The following GRK1 variants were observed in gnomAD, a reference collection of about 807,000 sequenced individuals.
The protein encoded by GRK1 is rhodopsin kinase GRK1.
Under a neutral mutation model 41.7 loss-of-function variants are expected in GRK1, and 28 were observed. That is an observed-to-expected ratio of 0.67 (90% CI 0.50 to 0.92). The LOEUF is 0.92. Ranked by LOEUF, GRK1 falls within the 40% of genes least tolerant of loss-of-function variation. The pLI is 0.00. For missense variants in GRK1, 703 were observed against 671.2 expected (o/e 1.05, Z -0.52); for synonymous variants, 327 against 286.7 (o/e 1.14, Z -1.42).
At chr13:113,669,999 A>G (rs1380319650) in intron 2 of GRK1, 185 bp downstream of exon 2, 2 of 294,742 alleles carry the variant, frequency 6.8e-6, no homozygotes, top group Non-Finnish European at 1.0e-5. Context: ...CTGGACCCAC[A>G]TCGGAGCAGG....
At chr13:113,728,759 G>A (rs1363580636) in intron 4 of GRK1, among the ~76,000 whole-genome samples, 2 of 152,216 alleles carry the variant, frequency 1.3e-5, no homozygotes, top group Non-Finnish European at 2.9e-5. Flanking sequence ...GGAGAGGGAA[G>A]CCTCAGTGTG....
At chr13:113,724,481 C>T (rs1045924079) in intron 4 of GRK1, among the ~76,000 whole-genome samples, 1 of 152,138 alleles carries the variant, frequency 6.6e-6, no homozygotes, top group African/African-American at 2.4e-5. Context: ...GGTGTTTAGG[C>T]ACTGGGCGTA....
the GRK1 span, chr13:113,652,890 T>C: frequency 6.2e-7 from 1 of 1,614,190 alleles, no homozygotes; most frequent in Non-Finnish European, 8.5e-7. Flanking sequence ...ATTTTAATAA[T>C]AAAACATGGC....
rs1224760152 is a variant in GRK1, at chr13:113,735,473, C to T, written c.*110C>T. ...TGCTAGCAAGGGGACACGTGGTTCCCTCCACCCAGGTCCCCATCACGCCAT... is the reference window on the plus strand; with the variant it reads ...TGCTAGCAAGGGGACACGTGGTTCCTTCCACCCAGGTCCCCATCACGCCAT... On this transcript the variant is annotated 3_prime_UTR_variant, in exon 7 of 7. Coordinates refer to ENST00000335678, the MANE Select transcript of GRK1 (RefSeq NM_002929.3). 5 of 1,244,072 alleles carry T rather than the reference C, an allele frequency of 4.0e-6. No homozygotes were observed. The highest frequency in any genetic ancestry group is 1.7e-5 in the South Asian group (1 of 58,244). 77.1% of individuals were successfully genotyped at this position (1,244,072 alleles called of 1,614,324 possible). A position where few individuals can be genotyped will look rare whatever the true frequency, so the allele number is the denominator to read the frequency against.
the GRK1 span, among the ~76,000 whole-genome samples, chr13:113,655,109 A>G: frequency 6.6e-6 from 1 of 152,024 alleles, no homozygotes; most frequent in Non-Finnish European, 1.5e-5. Context: ...AGTCACTACA[A>G]TCCCCTCCCA....
the GRK1 span, chr13:113,658,245 G>T: frequency 8.5e-7 from 1 of 1,175,518 alleles, no homozygotes; most frequent in Non-Finnish European, 1.2e-6. Flanking sequence ...TCTGCCAGAG[G>T]TCAAAGGCAT....
chr13:113,656,917 C>T, the GRK1 span, among the ~76,000 whole-genome samples: 100 of 152,260 alleles, frequency 6.6e-4, no homozygotes, highest in African/African-American at 2.4e-3. Flanking sequence ...CAGCTCCTTC[C>T]CCATCCTGGC....
At chr13:113,650,842 G>T in the GRK1 span, among the ~76,000 whole-genome samples, 1 of 152,142 alleles carries the variant, frequency 6.6e-6, no homozygotes, top group African/African-American at 2.4e-5. The surrounding 1 kb of genome is among the most constrained non-coding windows in gnomAD (Gnocchi z 5.0). Context: ...GGGCTGGTTT[G>T]CCAAAACTGG....
chr13:113,657,417 C>T, the GRK1 span, among the ~76,000 whole-genome samples: 3 of 152,224 alleles, frequency 2.0e-5, no homozygotes, highest in Admixed American at 1.3e-4. Context: ...GACGCAGACG[C>T]TTCCACCACC....
chr13:113,649,341 G>T, the GRK1 span: 2 of 1,571,492 alleles, frequency 1.3e-6, no homozygotes, highest in Non-Finnish European at 1.7e-6. The surrounding 1 kb of genome is among the most constrained non-coding windows in gnomAD (Gnocchi z 4.7). Flanking sequence ...GAGCGACCCC[G>T]CAGGCGTGCC....
At chr13:113,657,602 G>A in the GRK1 span, among the ~76,000 whole-genome samples, 9 of 152,242 alleles carry the variant, frequency 5.9e-5, no homozygotes, top group Non-Finnish European at 1.3e-4. Flanking sequence ...ACGCCAGCGG[G>A]TGTCCCGGAA....
intron 6 of GRK1, 143 bp downstream of exon 6, chr13:113,733,228 C>T (rs2049950601): frequency 1.4e-6 from 1 of 732,900 alleles, no homozygotes; most frequent in East Asian, 2.7e-5. Context: ...CAGCAAGGCC[C>T]CCAGTCCTCC....
chr13:113,670,745 C>T (rs1404762248), intron 2 of GRK1, among the ~76,000 whole-genome samples: 47 of 100,314 alleles, frequency 4.7e-4, no homozygotes, highest in East Asian at 1.7e-3. Context: ...CGCTGGGAAA[C>T]GCAGACACGG....
chr13:113,735,314 C>A lies in GRK1; in HGVS notation c.1643C>A (p.Ser548Tyr). ...GQMPDDMKGISGGSSSSSKSG... is the reference protein window; with the variant it reads ...GQMPDDMKGIYGGSSSSSKSG... Reference sequence around the variant, plus strand: ...ATGCCGGACGACATGAAGGGCATCTCCGGGGGCTCCAGCTCCTCGTCCAAG... The same window carrying A: ...ATGCCGGACGACATGAAGGGCATCTACGGGGGCTCCAGCTCCTCGTCCAAG... The change falls in exon 7 of 7, where the codon TCC (serine) becomes TAC (tyrosine). Residue 548 changes from serine (S) to tyrosine (Y), a missense_variant. Coordinates refer to ENST00000335678, the MANE Select transcript of GRK1 (RefSeq NM_002929.3). 1 of 1,530,530 alleles carries A rather than the reference C, an allele frequency of 6.5e-7. No individual in the cohort carries two copies. Among genetic ancestry groups the A allele is most frequent in the East Asian group, 2.5e-5 (1 of 40,720 alleles). 94.8% of individuals were successfully genotyped at this position (1,530,530 alleles called of 1,614,324 possible).
Position 113,733,049 on chromosome 13 carries a change from C to G in GRK1, c.1360C>G (p.Leu454Val). The G allele has an allele frequency of 6.5e-7, 1 of 1,537,058 alleles. No homozygotes were observed. The highest frequency in any genetic ancestry group is 8.7e-7 in the Non-Finnish European group (1 of 1,146,918). The change falls in exon 6 of 7, where the codon CTC becomes GTC. Residue 454 changes from leucine (L) to valine (V), a missense_variant. By Grantham distance (32) the Leu-to-Val change is conservative. Transcript: ENST00000335678. ...CTGCGACAAGCTCCGTGCCCACCCC[C>G]TCTTCAAGGACCTTAACTGGAGGCA... The part of the protein sequence containing the change: ...ETCDKLRAHP[L>V]FKDLNWRQLE...
the GRK1 span, chr13:113,653,105 G>A: frequency 1.9e-6 from 3 of 1,587,094 alleles, no homozygotes; most frequent in South Asian, 3.4e-5. Context: ...GCCCTGTCCT[G>A]CCCTGGCCCT....
the GRK1 span, among the ~76,000 whole-genome samples, chr13:113,657,144 C>T: frequency 1.5e-3 from 232 of 152,278 alleles, no homozygotes; most frequent in African/African-American, 5.3e-3. Context: ...ATTCCCAGCA[C>T]GTCTCAGCTA....
chr13:113,660,657 G>A, the GRK1 span, among the ~76,000 whole-genome samples: 1 of 152,156 alleles, frequency 6.6e-6, no homozygotes, highest in Non-Finnish European at 1.5e-5. Flanking sequence ...TTTAGACCAG[G>A]AGTTCCAGAC....
At position 113,735,139 on chromosome 13, in the gene GRK1, T is replaced by A. The variant is rs1293873622; in HGVS notation, c.1468T>A (p.Phe490Ile). 1 of 1,536,664 alleles carries A rather than the reference T, an allele frequency of 6.5e-7. No individual in the cohort carries two copies. The highest frequency in any genetic ancestry group is 2.4e-5 in the East Asian group (1 of 40,872). Residue 490 changes from phenylalanine to isoleucine, a missense_variant, in exon 7 of 7, where the codon TTT (phenylalanine) becomes ATT (isoleucine). Physicochemically the swap from Phe to Ile is conservative, Grantham distance 21. Transcript: ENST00000335678. ...YAKDIQDVGA[F>I]STVKGVAFDK... ...AAAGGATATTCAGGACGTGGGTGCC[T>A]TTTCCACCGTCAAAGGTGTGGCCTT...
Sources: allele counts gnomAD v4.1 joint callset (sites outside exome capture counted in the v4.1 genomes callset), GRCh38; gene constraint gnomAD v4.1.1; non-coding constraint Gnocchi (gnomAD v3.1); transcripts MANE v1.5; gene names NCBI Gene and HGNC (gene_info 2026-07-23, HGNC 2026-07-21).